CTNNA3: variants seen among roughly 807,000 people sequenced by gnomAD.
CTNNA3 encodes the protein catenin alpha-3.
A neutral mutation model predicts 95.7 loss-of-function variants in CTNNA3; 76 were observed. The ratio of observed to expected loss-of-function variants is 0.79; its 90% CI spans 0.66 to 0.96. The LOEUF (loss-of-function observed/expected upper bound fraction) is 0.96. Among genes scored for constraint, CTNNA3 ranks in the 40% least tolerant of loss-of-function variants. CTNNA3 has a pLI of 0.00. For synonymous variants in CTNNA3, 431 were observed against 374.4 expected, an observed-to-expected ratio of 1.15 and a Z score of -1.74; for missense variants, 1,191 against 1,089.8, an observed-to-expected ratio of 1.09 and a Z score of -1.31.
chr10:67,242,152 T>G lies in CTNNA3; in HGVS notation c.580-22282A>C, dbSNP rs80142584. ...AACTAATACAACTAAGTTAGAAACA[T>G]TTTCCTGAATTCAGTTTTAGAACAA... On this transcript the variant is annotated intron_variant, in intron 5 of 17. Coordinates refer to ENST00000433211, the MANE Select transcript of CTNNA3 (RefSeq NM_013266.4). Among the ~76,000 whole-genome samples the G allele has an allele frequency of 4.6e-3, 701 of 152,294 alleles. 23 individuals are homozygous for G. The East Asian group carries it at 0.078, about 17-fold the overall frequency.
chr10:67,568,166 T>A (rs1380950850), intron 3 of CTNNA3, among the ~76,000 whole-genome samples: 2 of 152,146 alleles, frequency 1.3e-5, no homozygotes, highest in Non-Finnish European at 2.9e-5. Context: ...TTTTTTCTAT[T>A]TATCTCTCTT....
intron 13 of CTNNA3, among the ~76,000 whole-genome samples, chr10:66,216,952 C>T (rs1033462882): frequency 3.3e-5 from 5 of 152,172 alleles, no homozygotes; most frequent in Non-Finnish European, 7.3e-5. Flanking sequence ...AGATCTCCCT[C>T]ATATTACCCT....
chr10:66,067,095 T>C (rs1485923853), intron 15 of CTNNA3, among the ~76,000 whole-genome samples: 3 of 152,264 alleles, frequency 2.0e-5, no homozygotes, highest in Non-Finnish European at 4.4e-5. Flanking sequence ...TCAGTTCCAT[T>C]TTCCCCTGAG....
intron 9 of CTNNA3, among the ~76,000 whole-genome samples, chr10:66,675,544 G>A (rs1286595356): frequency 1.3e-5 from 2 of 152,110 alleles, no homozygotes; most frequent in Admixed American, 1.3e-4. Flanking sequence ...ATGATGCAAA[G>A]TAAATAGCTG....
intron 3 of CTNNA3, among the ~76,000 whole-genome samples, chr10:67,603,028 C>T (rs575220709): frequency 3.9e-5 from 6 of 152,280 alleles, no homozygotes; most frequent in African/African-American, 9.6e-5. Context: ...GTACCTGCCA[C>T]GCTCAATAAA....
intron 5 of CTNNA3, among the ~76,000 whole-genome samples, chr10:67,305,099 AC>A (rs1293780558): frequency 6.6e-6 from 1 of 152,092 alleles, no homozygotes; most frequent in Non-Finnish European, 1.5e-5. Flanking sequence ...ACACAGTGAA[AC>A]CCCGTCTCTA....
chr10:66,111,894 A>T (rs1051025820), intron 13 of CTNNA3, among the ~76,000 whole-genome samples: 1 of 152,200 alleles, frequency 6.6e-6, no homozygotes, highest in African/African-American at 2.4e-5. Flanking sequence ...GACTTTTCCT[A>T]TGCTTAAATT....
chr10:66,644,185 G>C (rs1408560223), intron 9 of CTNNA3, among the ~76,000 whole-genome samples: 2 of 151,776 alleles, frequency 1.3e-5, no homozygotes, highest in Non-Finnish European at 2.9e-5. Context: ...GTTGAGCTTG[G>C]GAGGTTGAGG....
At chr10:66,611,064 A>G (rs1844312357) in intron 10 of CTNNA3, among the ~76,000 whole-genome samples, 1 of 152,124 alleles carries the variant, frequency 6.6e-6, no homozygotes, top group South Asian at 2.1e-4. Flanking sequence ...AGAAAGACAA[A>G]TATTGCATGT....
intron 13 of CTNNA3, among the ~76,000 whole-genome samples, chr10:66,135,371 T>C (rs1274351409): frequency 6.6e-6 from 1 of 152,110 alleles, no homozygotes; most frequent in Non-Finnish European, 1.5e-5. Context: ...ACAGAGAAGC[T>C]AGTTTAAAAG....
At chr10:66,549,574 CTT>C (rs1842151577) in intron 10 of CTNNA3, among the ~76,000 whole-genome samples, 2 of 152,056 alleles carry the variant, frequency 1.3e-5, no homozygotes, top group Admixed American at 1.3e-4. Context: ...AATCTTAGGA[CTT>C]TAGTTTTAGA....
chr10:67,365,824 C>T (rs955739562), intron 5 of CTNNA3, among the ~76,000 whole-genome samples: 2 of 152,166 alleles, frequency 1.3e-5, no homozygotes, highest in African/African-American at 4.8e-5. Flanking sequence ...GTGGCAATTC[C>T]TCAAGGACCT....
At chr10:66,166,902 AC>A (rs765557889) in intron 13 of CTNNA3, among the ~76,000 whole-genome samples, 37 of 152,302 alleles carry the variant, frequency 2.4e-4, no homozygotes, top group Non-Finnish European at 4.3e-4. Context: ...ACAGTAAGGG[AC>A]ATTTCAGGAA....
chr10:66,484,669 C>A (rs1334374758), intron 11 of CTNNA3, among the ~76,000 whole-genome samples: 1 of 151,894 alleles, frequency 6.6e-6, no homozygotes, highest in East Asian at 1.9e-4. Context: ...ACTGCAACTC[C>A]TTTAAATCAG....
At chr10:67,726,759 AAT>A (rs1276665522) in intron 1 of CTNNA3, among the ~76,000 whole-genome samples, 1 of 2,666 alleles carries the variant, frequency 3.8e-4, no homozygotes, top group East Asian at 0.012. Context: ...TATATCATAG[AAT>A]ATGACACATA....
chr10:67,014,495 C>A (rs1276332870), intron 7 of CTNNA3, among the ~76,000 whole-genome samples: 1 of 152,068 alleles, frequency 6.6e-6, no homozygotes, highest in African/African-American at 2.4e-5. Context: ...TTCTTCTAGA[C>A]AAAATTAGTT....
At chr10:67,392,537 C>G (rs1440782992) in intron 5 of CTNNA3, among the ~76,000 whole-genome samples, 1 of 152,104 alleles carries the variant, frequency 6.6e-6, no homozygotes, top group East Asian at 1.9e-4. Context: ...ACCATTTGAC[C>G]CAGCCATCCC....
intron 1 of CTNNA3, chr10:67,648,695 C>T (rs185215117): frequency 1.6e-6 from 2 of 1,247,346 alleles, no homozygotes; most frequent in African/African-American, 1.5e-5. Flanking sequence ...GCATATGATA[C>T]ATCAACATAT....
In CTNNA3 at chr10:66,693,525, C is replaced by A. The variant is rs559995361; in HGVS notation, c.1282-71741G>T. Among the ~76,000 whole-genome samples the A allele has an allele frequency of 5.3e-5, 8 of 151,608 alleles. No individual in the cohort carries two copies. The South Asian group carries it at 1.0e-3, about 20-fold the overall frequency. Reference sequence around the variant, plus strand: ...ACAATAATAATGAGAGACTTTAACACCCCACTGTCAACATTAGACAGATCA... The same window carrying A: ...ACAATAATAATGAGAGACTTTAACAACCCACTGTCAACATTAGACAGATCA... On this transcript the variant is annotated intron_variant, in intron 9 of 17. Coordinates refer to ENST00000433211, the MANE Select transcript of CTNNA3 (RefSeq NM_013266.4).
Sources: gnomAD v4.1 joint callset for allele counts (sites outside exome capture counted in the v4.1 genomes callset) on GRCh38, gnomAD v4.1.1 for gene constraint, MANE v1.5 for transcripts, NCBI Gene and HGNC (gene_info 2026-07-23, HGNC 2026-07-21) for gene names.